CNTN1: variants seen among roughly 807,000 people sequenced by gnomAD.
CNTN1 encodes the protein contactin 1.
CNTN1 carries 38 observed loss-of-function variants against 126.4 expected under a neutral mutation model. That is an observed-to-expected ratio of 0.30 (90% CI 0.23 to 0.39). CNTN1 has a LOEUF of 0.39. Among genes scored for constraint, CNTN1 ranks in the 10% least tolerant of loss-of-function variants. The pLI is 1.00. For synonymous variants in CNTN1, 413 were observed against 422.6 expected (o/e 0.98, Z 0.28); for missense variants, 1,009 against 1,248.4 (o/e 0.81, Z 2.89).
intron 1 of CNTN1, among the ~76,000 whole-genome samples, chr12:40,833,716 T>A (rs1941944905): frequency 6.6e-6 from 1 of 152,170 alleles, no homozygotes; most frequent in African/African-American, 2.4e-5. Context: ...TCTAGAAATG[T>A]GAATGGGCAA....
chr12:40,922,997 A>G (rs1238798336), intron 5 of CNTN1, among the ~76,000 whole-genome samples: 11 of 141,796 alleles, frequency 7.8e-5, no homozygotes, highest in African/African-American at 2.7e-4. Context: ...AAAGACATCA[A>G]TGGAAGCAAC....
At chr12:41,015,500 C>T (rs1238731480) in intron 18 of CNTN1, among the ~76,000 whole-genome samples, 1 of 152,028 alleles carries the variant, frequency 6.6e-6, no homozygotes, top group Non-Finnish European at 1.5e-5. Flanking sequence ...AGAGAACTAT[C>T]AATAAGAAAA....
intron 1 of CNTN1, among the ~76,000 whole-genome samples, chr12:40,767,559 T>C (rs758439683): frequency 1.3e-5 from 2 of 152,114 alleles, no homozygotes; most frequent in South Asian, 2.1e-4. Flanking sequence ...CCGCCCGCCT[T>C]GGCCTCCCAA....
Position 41,025,153 on chromosome 12 carries a change from C to T in CNTN1, c.2527C>T (p.Arg843Trp), listed in dbSNP as rs1168401868. 3.1e-6 allele frequency: 5 copies of T among 1,613,528 alleles called. No individual in the cohort carries two copies. The highest frequency in any genetic ancestry group is 1.1e-5 in the South Asian group (1 of 91,064). Residue 843 changes from arginine (R) to tryptophan (W), a missense_variant, in exon 21 of 24, where the codon CGG (arginine) becomes TGG (tryptophan). Arg to Trp is a moderately radical substitution (Grantham distance 101). Transcript: ENST00000551295. ...AACTCATCCTGAATGTTTGCAGATTCGGTATTGGGCTGCCCATGACAAAGA... is the reference window on the plus strand; with the variant it reads ...AACTCATCCTGAATGTTTGCAGATTTGGTATTGGGCTGCCCATGACAAAGA... ...LEKIVESYQI[R>W]YWAAHDKEEA...
At chr12:40,880,481 A>G (rs1362140583) in intron 1 of CNTN1, among the ~76,000 whole-genome samples, 1 of 152,064 alleles carries the variant, frequency 6.6e-6, no homozygotes, top group East Asian at 1.9e-4. Context: ...GCCAAGTACA[A>G]ATACATTTCT....
chr12:41,037,689 C>G (rs1393909908), intron 23 of CNTN1, among the ~76,000 whole-genome samples: 1 of 151,764 alleles, frequency 6.6e-6, no homozygotes, highest in Non-Finnish European at 1.5e-5. Flanking sequence ...CACACACACA[C>G]ACACACACAC....
intron 1 of CNTN1, among the ~76,000 whole-genome samples, chr12:40,857,713 T>G (rs573094636): frequency 9.2e-5 from 14 of 152,120 alleles, no homozygotes; most frequent in African/African-American, 3.4e-4. Flanking sequence ...CAAAAGAAAA[T>G]CTCGGAAAAG....
At chr12:40,826,605 C>A (rs1941620601) in intron 1 of CNTN1, among the ~76,000 whole-genome samples, 1 of 152,154 alleles carries the variant, frequency 6.6e-6, no homozygotes, top group Non-Finnish European at 1.5e-5. Flanking sequence ...ACATGCACTT[C>A]AACATCTCTG....
At chr12:40,958,370 TG>T (rs1946972160) in intron 14 of CNTN1, among the ~76,000 whole-genome samples, 2 of 150,812 alleles carry the variant, frequency 1.3e-5, no homozygotes, top group Non-Finnish European at 3.0e-5. Context: ...TGTGTGTGTG[TG>T]TGTGTGTGTA....
At chr12:40,707,748 A>G (rs188264294) in intron 1 of CNTN1, among the ~76,000 whole-genome samples, 33 of 152,298 alleles carry the variant, frequency 2.2e-4, no homozygotes, top group African/African-American at 7.9e-4. Flanking sequence ...TCATTGTGAG[A>G]TGAAGAGGAA....
chr12:41,018,768 A>G (rs1948840604), intron 19 of CNTN1, among the ~76,000 whole-genome samples: 1 of 152,066 alleles, frequency 6.6e-6, no homozygotes, highest in South Asian at 2.1e-4. Flanking sequence ...ATATGTCAAA[A>G]GAATAAAATG....
chr12:40,773,331 G>A (rs957266728), intron 1 of CNTN1, among the ~76,000 whole-genome samples: 11 of 151,542 alleles, frequency 7.3e-5, no homozygotes, highest in African/African-American at 2.2e-4. Flanking sequence ...TAGTTAAGTC[G>A]TTTTAGTTTT....
chr12:40,836,322 A>G, intron 1 of CNTN1, among the ~76,000 whole-genome samples: 1 of 150,018 alleles, frequency 6.7e-6, no homozygotes, highest in East Asian at 1.9e-4. Context: ...ATCAGATACT[A>G]TGGTACACTT....
chr12:40,905,011 T>C (rs1298501973), intron 1 of CNTN1, among the ~76,000 whole-genome samples: 1 of 152,236 alleles, frequency 6.6e-6, no homozygotes, highest in Non-Finnish European at 1.5e-5. Context: ...CTTTCCATAT[T>C]AAAAGGTGAA....
chr12:40,766,351 C>T (rs1334126549), intron 1 of CNTN1, among the ~76,000 whole-genome samples: 22 of 79,756 alleles, frequency 2.8e-4, no homozygotes, highest in South Asian at 1.8e-3. Context: ...AATGAAACTC[C>T]GTCTTAAAAA....
intron 1 of CNTN1, among the ~76,000 whole-genome samples, chr12:40,873,859 A>C (rs1006254609): frequency 6.6e-6 from 1 of 152,138 alleles, no homozygotes; most frequent in African/African-American, 2.4e-5. Context: ...AATATGTAAC[A>C]ATAGCTATCA....
At chr12:40,935,840 G>A (rs866981046) in intron 9 of CNTN1, among the ~76,000 whole-genome samples, 50 of 152,006 alleles carry the variant, frequency 3.3e-4, no homozygotes, top group African/African-American at 1.1e-3. Flanking sequence ...AATGTTGATG[G>A]TATTTGGTGA....
chr12:40,984,183 A>G (rs1947895498), intron 16 of CNTN1, among the ~76,000 whole-genome samples: 1 of 151,608 alleles, frequency 6.6e-6, no homozygotes, highest in East Asian at 1.9e-4. Flanking sequence ...ATCACTTTCT[A>G]TAAATGTTTG....
intron 1 of CNTN1, among the ~76,000 whole-genome samples, chr12:40,741,131 C>A (rs1440859620): frequency 1.3e-5 from 2 of 152,000 alleles, no homozygotes; most frequent in East Asian, 1.9e-4. Context: ...CCACTGAAGT[C>A]TTTTCAATAA....
Sources: allele counts gnomAD v4.1 joint callset (sites outside exome capture counted in the v4.1 genomes callset), GRCh38; gene constraint gnomAD v4.1.1; transcripts MANE v1.5; gene names NCBI Gene and HGNC (gene_info 2026-07-23, HGNC 2026-07-21).